Variants in DPYD observed in about 807,000 individuals in gnomAD.
DPYD encodes dihydropyrimidine dehydrogenase.
A neutral mutation model predicts 116.2 loss-of-function variants in DPYD; 109 were observed. The observed-to-expected ratio is 0.94, with a 90% CI of 0.80 to 1.10. The LOEUF is 1.10. Among genes scored for constraint, DPYD ranks in the 50% least tolerant of loss-of-function variants. The pLI is 0.00. For synonymous variants in DPYD, 440 were observed against 432.0 expected (o/e 1.02, Z -0.23); for missense variants, 1,302 against 1,254.5 (o/e 1.04, Z -0.57).
chr1:97,144,777 A>G (rs1654488134), intron 20 of DPYD, among the ~76,000 whole-genome samples: 1 of 152,208 alleles, frequency 6.6e-6, no homozygotes, highest in African/African-American at 2.4e-5. Context: ...TGATCCCATC[A>G]CTATAATCTG....
intron 4 of DPYD, among the ~76,000 whole-genome samples, chr1:97,735,240 T>C (rs947236988): frequency 7.2e-5 from 11 of 151,752 alleles, no homozygotes; most frequent in African/African-American, 2.7e-4. Flanking sequence ...AGTAAAAAAA[T>C]AATAATAAAA....
chr1:97,696,478 A>C (rs907552088), intron 6 of DPYD, among the ~76,000 whole-genome samples: 8 of 152,166 alleles, frequency 5.3e-5, no homozygotes, highest in Admixed American at 4.6e-4. Flanking sequence ...TATTCTGAAG[A>C]CTGCATGGTG....
At chr1:97,699,246 A>G in intron 6 of DPYD, 105 bp downstream of exon 6, 1 of 1,166,760 alleles carries the variant, frequency 8.6e-7, no homozygotes. Context: ...TTAAAATACC[A>G]TCTGTGAGCC....
intron 18 of DPYD, among the ~76,000 whole-genome samples, chr1:97,265,719 C>A (rs565193190): frequency 6.6e-6 from 1 of 152,174 alleles, no homozygotes; most frequent in East Asian, 1.9e-4. Context: ...ATAAATGTGA[C>A]CTTTTAATCT....
chr1:97,721,597 G>A lies in DPYD; in HGVS notation c.396C>T (p.Thr132=). 2 of 1,611,856 alleles carry A rather than the reference G, an allele frequency of 1.2e-6. No individual in the cohort carries two copies. ...TGCATCCACCTACACAAAGATCAGA[G>A]GTTGGACATACCATTCCACAAGTCA... is the stretch of plus-strand genomic sequence containing the variant. ...LGLTCGMVCP[T]SDLCVGGCNL... Residue 132 remains threonine (T), a synonymous_variant, in exon 5 of 23, where the codon ACC becomes ACT. Transcript: ENST00000370192.
chr1:97,862,350 T>C (rs1017052194), intron 2 of DPYD, among the ~76,000 whole-genome samples: 1 of 151,694 alleles, frequency 6.6e-6, no homozygotes, highest in African/African-American at 2.4e-5. Flanking sequence ...AATTCAAACA[T>C]ACACTAAGGA....
intron 18 of DPYD, among the ~76,000 whole-genome samples, chr1:97,281,950 C>T (rs566488049): frequency 3.3e-5 from 5 of 152,210 alleles, no homozygotes; most frequent in South Asian, 2.1e-4. Flanking sequence ...TGCATGTCTT[C>T]GCAAACTGAG....
chr1:97,701,338 A>G (rs1661588316), intron 5 of DPYD, among the ~76,000 whole-genome samples: 1 of 151,418 alleles, frequency 6.6e-6, no homozygotes, highest in Non-Finnish European at 1.5e-5. Context: ...AATTTTAAAT[A>G]TATAAAGCAA....
At chr1:97,225,451 C>G (rs1661079498) in intron 19 of DPYD, among the ~76,000 whole-genome samples, 1 of 151,506 alleles carries the variant, frequency 6.6e-6, no homozygotes, top group South Asian at 2.1e-4. Flanking sequence ...GTTCTTTATT[C>G]AAAGAATATT....
chr1:97,191,951 A>C (rs180891081), intron 20 of DPYD, among the ~76,000 whole-genome samples: 58 of 152,300 alleles, frequency 3.8e-4, no homozygotes, highest in African/African-American at 1.2e-3. Flanking sequence ...GCTAATTACA[A>C]TATTATAAAT....
At chr1:97,210,686 AAG>A (rs1470878142) in intron 19 of DPYD, among the ~76,000 whole-genome samples, 18 of 152,176 alleles carry the variant, frequency 1.2e-4, no homozygotes, top group Admixed American at 5.9e-4. Flanking sequence ...CATGTCTAGA[AAG>A]TAGGATAGAA....
chr1:97,266,314 A>C (rs144858296), intron 18 of DPYD, among the ~76,000 whole-genome samples: 162 of 152,288 alleles, frequency 1.1e-3, no homozygotes, highest in African/African-American at 3.8e-3. Flanking sequence ...TAGTGTTCAG[A>C]ATGCTCATCT....
chr1:97,304,436 T>A (rs986386068), intron 18 of DPYD, among the ~76,000 whole-genome samples: 4 of 152,034 alleles, frequency 2.6e-5, no homozygotes, highest in African/African-American at 7.2e-5. Context: ...CTCACAGGCA[T>A]ACTTCATACT....
intron 18 of DPYD, among the ~76,000 whole-genome samples, chr1:97,240,511 C>A (rs1024401283): frequency 3.3e-5 from 5 of 151,844 alleles, no homozygotes; most frequent in Non-Finnish European, 7.4e-5. Context: ...ACTAAGTCCA[C>A]AATAAACTCC....
chr1:97,166,826 G>A (rs1301498994), intron 20 of DPYD, among the ~76,000 whole-genome samples: 1 of 152,050 alleles, frequency 6.6e-6, no homozygotes, highest in East Asian at 1.9e-4. Flanking sequence ...AGCAAGAATT[G>A]CCAAACTTGC....
At chr1:97,819,205 A>G (rs1668790427) in intron 3 of DPYD, among the ~76,000 whole-genome samples, 2 of 152,038 alleles carry the variant, frequency 1.3e-5, no homozygotes, top group Non-Finnish European at 2.9e-5. Flanking sequence ...CTCTGTGCAT[A>G]GAAGACAAGA....
At chr1:97,635,398 A>G (rs116771875) in intron 8 of DPYD, among the ~76,000 whole-genome samples, 2,006 of 152,140 alleles carry the variant, frequency 0.013, 20 homozygotes, top group Middle Eastern at 0.024. Context: ...GCCAGGGTGC[A>G]GTTCTTGGGA....
chr1:97,679,212 A>G, intron 7 of DPYD, 30 bp from the exon 8 acceptor site: 1 of 1,238,608 alleles, frequency 8.1e-7, no homozygotes, highest in Non-Finnish European at 1.2e-6. Context: ...GCATAAGAAA[A>G]TTTGGCATAT....
At chr1:97,227,443 A>G (rs370562272) in intron 19 of DPYD, among the ~76,000 whole-genome samples, 2 of 151,868 alleles carry the variant, frequency 1.3e-5, no homozygotes, top group East Asian at 1.9e-4. Flanking sequence ...CAGTTTATCA[A>G]CTGTGAGGTG....
Sources: allele counts gnomAD v4.1 joint callset (sites outside exome capture counted in the v4.1 genomes callset), GRCh38; gene constraint gnomAD v4.1.1; transcripts MANE v1.5; gene names NCBI Gene and HGNC (gene_info 2026-07-23, HGNC 2026-07-21).